The following RSU1 variants were observed in gnomAD, a reference collection of about 807,000 sequenced individuals.
RSU1 encodes Ras suppressor protein 1.
Under a neutral mutation model 31.1 loss-of-function variants are expected in RSU1, and 26 were observed. The observed-to-expected ratio is 0.84, with a 90% confidence interval of 0.61 to 1.16. RSU1 has a LOEUF of 1.16. RSU1 is among the 50% of genes most tolerant of loss of function. The pLI is 0.00. For synonymous variants in RSU1, 164 were observed against 136.3 expected (o/e 1.20, Z -1.41); for missense variants, 320 against 339.1 (o/e 0.94, Z 0.44).
intron 8 of RSU1, among the ~76,000 whole-genome samples, chr10:16,652,047 C>T (rs1236724229): frequency 1.3e-5 from 2 of 152,036 alleles, no homozygotes; most frequent in African/African-American, 4.8e-5. Flanking sequence ...TACGCAAAAA[C>T]TATGTAAATT....
At chr10:16,625,108 G>C (rs1047535090) in intron 8 of RSU1, among the ~76,000 whole-genome samples, 1 of 152,148 alleles carries the variant, frequency 6.6e-6, no homozygotes, top group Non-Finnish European at 1.5e-5. Context: ...AATAAACAAA[G>C]ACAAGTGCAG....
chr10:16,626,781 C>A (rs191857168), intron 8 of RSU1, among the ~76,000 whole-genome samples: 19 of 152,098 alleles, frequency 1.2e-4, no homozygotes, highest in Non-Finnish European at 2.4e-4. Flanking sequence ...AGTTCATGAT[C>A]GATCTCATGT....
chr10:16,695,126 C>T lies in RSU1; in HGVS notation c.628G>A (p.Val210Ile), dbSNP rs776567166. ...GNLDLTGQKQ[V>I]FKAENNPWVT... ...CAGGGATTGTTCTCTGCTTTGAATA[C>T]CTGCTTCTGGCCAGTTAAATCCAAG... The change falls in exon 8 of 9, where the codon GTA (valine) becomes ATA (isoleucine). Residue 210 changes from valine to isoleucine, a missense_variant. Transcript: ENST00000345264. The T allele has an allele frequency of 2.5e-6, 4 of 1,605,820 alleles. No homozygotes were observed. The highest frequency in any genetic ancestry group is 1.1e-5 in the South Asian group (1 of 90,506).
chr10:16,773,100 T>G (rs1837454893), intron 3 of RSU1, among the ~76,000 whole-genome samples: 2 of 151,378 alleles, frequency 1.3e-5, no homozygotes. Context: ...CTCCGGAGGC[T>G]GAGGTGGGAA....
chr10:16,756,830 T>C (rs1264836223), intron 4 of RSU1, among the ~76,000 whole-genome samples: 6 of 144,030 alleles, frequency 4.2e-5, no homozygotes, highest in Non-Finnish European at 9.1e-5. Flanking sequence ...GTGTGTGCTG[T>C]GTGTGTGTGG....
At chr10:16,709,788 T>C (rs1044936450) in intron 7 of RSU1, among the ~76,000 whole-genome samples, 2 of 152,226 alleles carry the variant, frequency 1.3e-5, no homozygotes, top group Non-Finnish European at 2.9e-5. Context: ...GCTGCATAAA[T>C]GTCTTCTTTT....
intron 8 of RSU1, among the ~76,000 whole-genome samples, chr10:16,630,785 T>C (rs1237196912): frequency 6.6e-6 from 1 of 152,208 alleles, no homozygotes; most frequent in Non-Finnish European, 1.5e-5. Context: ...GCAAATTAGA[T>C]AATCAAACTT....
At chr10:16,791,203 G>A (rs568250779) in intron 2 of RSU1, among the ~76,000 whole-genome samples, 7 of 152,136 alleles carry the variant, frequency 4.6e-5, no homozygotes, top group African/African-American at 1.2e-4. Flanking sequence ...ATTTTTCTAT[G>A]TTTAGTAGAG....
intron 8 of RSU1, among the ~76,000 whole-genome samples, chr10:16,646,693 C>T (rs535820829): frequency 3.1e-4 from 47 of 152,236 alleles, no homozygotes; most frequent in Non-Finnish European, 4.7e-4. Context: ...TTCTGAGTAA[C>T]AGTCTCAAAG....
chr10:16,712,277 C>T (rs1457310346), intron 7 of RSU1, among the ~76,000 whole-genome samples: 2 of 152,084 alleles, frequency 1.3e-5, no homozygotes, highest in African/African-American at 4.8e-5. Flanking sequence ...ATTTTTAAAA[C>T]CTGTTCGACC....
intron 2 of RSU1, among the ~76,000 whole-genome samples, chr10:16,807,827 T>C (rs1588549901): frequency 6.6e-6 from 1 of 151,856 alleles, no homozygotes; most frequent in East Asian, 2.0e-4. Flanking sequence ...ACTGAGACCA[T>C]CCTGGCTAAC....
At chr10:16,736,513 C>G (rs1278799344) in intron 7 of RSU1, among the ~76,000 whole-genome samples, 1 of 151,710 alleles carries the variant, frequency 6.6e-6, no homozygotes. Context: ...AAGAATCAAG[C>G]TAACCAAAAA....
intron 8 of RSU1, among the ~76,000 whole-genome samples, chr10:16,679,460 G>A (rs762922524): frequency 2.6e-5 from 4 of 152,136 alleles, no homozygotes; most frequent in Non-Finnish European, 5.9e-5. Flanking sequence ...TACTACTAAT[G>A]AAAGTAGAGG....
At chr10:16,660,855 T>G (rs888190408) in intron 8 of RSU1, among the ~76,000 whole-genome samples, 1 of 151,786 alleles carries the variant, frequency 6.6e-6, no homozygotes, top group African/African-American at 2.4e-5. Context: ...CCATGTTGGC[T>G]AGGCTGTCCT....
At chr10:16,773,543 G>A (rs571500036) in intron 3 of RSU1, among the ~76,000 whole-genome samples, 1 of 152,358 alleles carries the variant, frequency 6.6e-6, no homozygotes, top group South Asian at 2.1e-4. Context: ...ATCACTTGCA[G>A]AGGCAGCAGG....
intron 8 of RSU1, among the ~76,000 whole-genome samples, chr10:16,662,318 A>C (rs1834904030): frequency 6.6e-6 from 1 of 152,146 alleles, no homozygotes; most frequent in Non-Finnish European, 1.5e-5. Context: ...AATACTGGTA[A>C]ATTTTTTGAA....
At chr10:16,604,606 T>G (rs1833770599) in intron 8 of RSU1, among the ~76,000 whole-genome samples, 1 of 152,118 alleles carries the variant, frequency 6.6e-6, no homozygotes, top group East Asian at 1.9e-4. Flanking sequence ...CACTATTCAC[T>G]CTGCCTGGAA....
chr10:16,616,320 G>A (rs1481639635), intron 8 of RSU1, among the ~76,000 whole-genome samples: 2 of 130,870 alleles, frequency 1.5e-5, no homozygotes, highest in African/African-American at 5.5e-5. Flanking sequence ...AATCTCTGAA[G>A]AGACCAATAA....
intron 8 of RSU1, among the ~76,000 whole-genome samples, chr10:16,615,479 A>G (rs1236952402): frequency 6.6e-6 from 1 of 152,162 alleles, no homozygotes; most frequent in Non-Finnish European, 1.5e-5. Flanking sequence ...GATCAACAAG[A>G]CCGAAAATTA....
Sources: gnomAD v4.1 joint callset for allele counts (sites outside exome capture counted in the v4.1 genomes callset) on GRCh38, gnomAD v4.1.1 for gene constraint, MANE v1.5 for transcripts, NCBI Gene and HGNC (gene_info 2026-07-23, HGNC 2026-07-21) for gene names.